The following NCOR2 variants were observed in gnomAD, a reference collection of about 807,000 sequenced individuals.
NCOR2 encodes CTG repeat protein 26.
In NCOR2, 81 loss-of-function variants were observed where a neutral mutation model predicts 262.9. That is an observed-to-expected ratio of 0.31 (90% CI 0.26 to 0.37). The LOEUF (loss-of-function observed/expected upper bound fraction) is 0.37, where lower values mean the gene tolerates loss of function less well. NCOR2 is among the 10% of genes least tolerant of loss of function. The pLI, the probability that NCOR2 is intolerant of heterozygous loss-of-function variation, is 1.00. For synonymous variants in NCOR2, 1,659 were observed against 1,559.3 expected, an observed-to-expected ratio of 1.06 and a Z score of -1.51; for missense variants, 3,385 against 3,621.4, an observed-to-expected ratio of 0.93 and a Z score of 1.68.
At chr12:124,471,491 G>C (rs978089481) in intron 4 of NCOR2, among the ~76,000 whole-genome samples, 1 of 152,238 alleles carries the variant, frequency 6.6e-6, no homozygotes, top group Non-Finnish European at 1.5e-5. Flanking sequence ...ACAAGGAGAG[G>C]ACCACTGTAT....
chr12:124,528,007 G>A (rs933171620), intron 1 of NCOR2, among the ~76,000 whole-genome samples: 3 of 152,228 alleles, frequency 2.0e-5, no homozygotes, highest in Non-Finnish European at 4.4e-5. Context: ...AGCGCAGCCT[G>A]ATGAGGGATT....
intron 7 of NCOR2, among the ~76,000 whole-genome samples, chr12:124,442,378 G>A (rs2044860255): frequency 6.6e-6 from 1 of 152,182 alleles, no homozygotes; most frequent in South Asian, 2.1e-4. Context: ...AGCCTCAAGT[G>A]ATCCTCCCAC....
intron 1 of NCOR2, among the ~76,000 whole-genome samples, chr12:124,558,301 C>T (rs1278071259): frequency 6.7e-6 from 1 of 149,970 alleles, no homozygotes; most frequent in Non-Finnish European, 1.5e-5. Context: ...GTCTCCCCAG[C>T]CCCACCACAG....
intron 17 of NCOR2, among the ~76,000 whole-genome samples, chr12:124,385,451 A>T (rs1345773613): frequency 1.3e-5 from 2 of 152,186 alleles, no homozygotes; most frequent in African/African-American, 4.8e-5. Context: ...ACACCGTGAG[A>T]CAGGGCTGAG....
Position 124,483,416 on chromosome 12 carries a change from G to A in NCOR2, c.411+180C>T, listed in dbSNP as rs1156910230. Among the ~76,000 whole-genome samples the A allele has an allele frequency of 1.3e-5, 2 of 152,094 alleles. No individual in the cohort carries two copies. Among genetic ancestry groups the A allele is most frequent in the African/African-American group, 4.8e-5 (2 of 41,416 alleles). ...TTCTTCCCACACTCTGGCACCTCCA[G>A]AGACCCAGCGCCTGCCCTCTTCCTG... On this transcript the variant is annotated intron_variant, in intron 3 of 46. Transcript: ENST00000405201. The surrounding 1 kb of genome is among the most constrained non-coding windows in gnomAD (Gnocchi z 6.3).
At chr12:124,348,795 G>A (rs143426124) in intron 28 of NCOR2, 43 of 172,158 alleles carry the variant, frequency 2.5e-4, no homozygotes, top group African/African-American at 4.6e-4. Context: ...AGCAGCACGC[G>A]TGCACCGATA....
chr12:124,333,891 T>TGTGG (rs1566353577), intron 41 of NCOR2, among the ~76,000 whole-genome samples: 3 of 143,752 alleles, frequency 2.1e-5, no homozygotes, highest in Non-Finnish European at 3.0e-5. Context: ...TGTGCATGTG[T>TGTGG]GTGTGCGCGC....
chr12:124,364,147 C>T (rs1197894776), intron 20 of NCOR2, among the ~76,000 whole-genome samples: 1 of 152,210 alleles, frequency 6.6e-6, no homozygotes, highest in African/African-American at 2.4e-5. Flanking sequence ...CAAACATCCC[C>T]AAAGACATCT....
intron 8 of NCOR2, among the ~76,000 whole-genome samples, chr12:124,437,551 C>T (rs910176068): frequency 1.1e-4 from 17 of 152,228 alleles, no homozygotes; most frequent in African/African-American, 3.1e-4. Context: ...GGTGCGCCTG[C>T]GGCCCCTGCT....
At chr12:124,464,828 A>G (rs896036654) in intron 5 of NCOR2, among the ~76,000 whole-genome samples, 2 of 152,176 alleles carry the variant, frequency 1.3e-5, no homozygotes, top group Admixed American at 6.5e-5. Flanking sequence ...AAGTGGGAGA[A>G]ATGGGATTTG....
exon 11 of NCOR2, chr12:124,426,799 T>C: frequency 1.3e-6 from 2 of 1,574,500 alleles, no homozygotes. Flanking sequence ...CTTCTCCAGG[T>C]TCTGCAGGGA....
chr12:124,433,867 C>A (rs866633188), intron 8 of NCOR2, among the ~76,000 whole-genome samples: 9 of 40,546 alleles, frequency 2.2e-4, no homozygotes, highest in East Asian at 1.7e-3. Flanking sequence ...CACACACACA[C>A]ACACACACAC....
intron 13 of NCOR2, 141 bp from the exon 16 acceptor site, chr12:124,402,702 A>C: frequency 6.9e-7 from 1 of 1,447,596 alleles, no homozygotes; most frequent in Non-Finnish European, 9.2e-7. Context: ...GTCATAAACA[A>C]CCGGGAAGCC....
intron 1 of NCOR2, among the ~76,000 whole-genome samples, chr12:124,528,802 CAG>C (rs1207780485): frequency 6.6e-6 from 1 of 152,232 alleles, no homozygotes; most frequent in Admixed American, 6.5e-5. Context: ...GCACACAACT[CAG>C]AGTCATGAGT....
chr12:124,400,581 C>A (rs1187131215), exon 15 of NCOR2: 1 of 1,614,076 alleles, frequency 6.2e-7, no homozygotes, highest in Non-Finnish European at 8.5e-7. Flanking sequence ...GCGGCCTTTG[C>A]GTCTTCCCTG....
chr12:124,451,596 C>T (rs1465384054), intron 6 of NCOR2, among the ~76,000 whole-genome samples: 2 of 152,114 alleles, frequency 1.3e-5, no homozygotes, highest in East Asian at 3.9e-4. Flanking sequence ...TCCCTCTCTT[C>T]CTGTCCCTCT....
chr12:124,343,263 G>C (rs911427774), intron 32 of NCOR2, 37 bp from the exon 35 acceptor site: 101 of 1,577,354 alleles, frequency 6.4e-5, no homozygotes, highest in Non-Finnish European at 8.5e-5. Flanking sequence ...GGGCCTCTGG[G>C]GCTGGCATTT....
intron 22 of NCOR2, among the ~76,000 whole-genome samples, chr12:124,357,412 C>A (rs1308801129): frequency 6.6e-6 from 1 of 152,166 alleles, no homozygotes; most frequent in African/African-American, 2.4e-5. Flanking sequence ...CTTCAGGCTC[C>A]CAAGTAGCTG....
chr12:124,500,864 G>A, intron 1 of NCOR2, among the ~76,000 whole-genome samples: 1 of 152,156 alleles, frequency 6.6e-6, no homozygotes, highest in East Asian at 1.9e-4. Flanking sequence ...GGAGCTACAG[G>A]ATGTGCCCGG....
Sources: gnomAD v4.1 joint callset for allele counts (sites outside exome capture counted in the v4.1 genomes callset) on GRCh38, gnomAD v4.1.1 for gene constraint, Gnocchi (gnomAD v3.1) non-coding constraint, MANE v1.5 for transcripts, NCBI Gene and HGNC (gene_info 2026-07-23, HGNC 2026-07-21) for gene names.